The following ABI1 variants were observed in gnomAD, a reference collection of about 807,000 sequenced individuals.
The protein encoded by ABI1 is abl interactor 1.
A neutral mutation model predicts 54.6 loss-of-function variants in ABI1; 14 were observed. The observed-to-expected ratio is 0.26, with a 90% CI of 0.17 to 0.40. ABI1 has a LOEUF of 0.40. Among genes scored for constraint, ABI1 ranks in the 10% least tolerant of loss-of-function variants. ABI1 has a pLI of 1.00. For missense variants in ABI1, 443 were observed against 598.3 expected (o/e 0.74, Z 2.71); for synonymous variants, 194 against 209.3 (o/e 0.93, Z 0.63).
At chr10:26,791,946 T>C (rs1440279634) in intron 2 of ABI1, among the ~76,000 whole-genome samples, 1 of 152,216 alleles carries the variant, frequency 6.6e-6, no homozygotes, top group African/African-American at 2.4e-5. Flanking sequence ...ATGAACTATG[T>C]ATATGTAATA....
rs1005881883 is a variant in ABI1 at position 26,860,415 on chromosome 10, G to A, written c.117+332C>T. Among the ~76,000 whole-genome samples the A allele has an allele frequency of 1.4e-4, 21 of 152,150 alleles. No homozygotes were observed. Among genetic ancestry groups the A allele is most frequent in the Non-Finnish European group, 2.1e-4 (14 of 68,016 alleles). Reference sequence around the variant, plus strand: ...CCCTGCGGACTGGAGGCTACCTGGGGGGCGCGCGACCCCGGTGGCCGGGCC... The same window carrying A: ...CCCTGCGGACTGGAGGCTACCTGGGAGGCGCGCGACCCCGGTGGCCGGGCC... On this transcript the variant is annotated intron_variant, in intron 1 of 10. Coordinates refer to ENST00000376140, the MANE Select transcript of ABI1 (RefSeq NM_001012750.3). The surrounding 1 kb of genome is among the most constrained non-coding windows in gnomAD (Gnocchi z 4.1).
chr10:26,770,672 A>G (rs1840576830), intron 4 of ABI1: 1 of 570,384 alleles, frequency 1.8e-6, no homozygotes, highest in Non-Finnish European at 3.2e-6. Flanking sequence ...AAATGTGTGC[A>G]TGAACACAAA....
chr10:26,772,021 T>C (rs1207634471), intron 3 of ABI1, among the ~76,000 whole-genome samples: 4 of 151,656 alleles, frequency 2.6e-5, no homozygotes, highest in Non-Finnish European at 5.9e-5. Flanking sequence ...TCTGACATTC[T>C]CAACAAGTAA....
At chr10:26,797,475 T>G (rs1415390366) in intron 2 of ABI1, among the ~76,000 whole-genome samples, 1 of 152,184 alleles carries the variant, frequency 6.6e-6, no homozygotes, top group Non-Finnish European at 1.5e-5. Flanking sequence ...TTTAATCACA[T>G]TCACATATTA....
intron 4 of ABI1, 80 bp downstream of exon 4, chr10:26,770,995 T>C (rs1350072417): frequency 7.0e-7 from 1 of 1,435,382 alleles, no homozygotes; most frequent in Admixed American, 1.7e-5. Context: ...ATAAGAAGAG[T>C]TTTCAAATTT....
intron 2 of ABI1, among the ~76,000 whole-genome samples, chr10:26,807,393 C>T (rs1045620511): frequency 7.2e-5 from 11 of 151,902 alleles, no homozygotes; most frequent in Admixed American, 5.9e-4. Flanking sequence ...GAGGAGGAGG[C>T]TTCACCTGAG....
chr10:26,765,349 C>T (rs1839808795), intron 6 of ABI1, 31 bp from the exon 7 acceptor site: 1 of 1,478,526 alleles, frequency 6.8e-7, no homozygotes, highest in South Asian at 1.3e-5. Context: ...TGTGAAAAAC[C>T]AATTCTAGAG....
chr10:26,773,536 C>T (rs1841006550), intron 3 of ABI1, among the ~76,000 whole-genome samples: 1 of 151,852 alleles, frequency 6.6e-6, no homozygotes, highest in African/African-American at 2.4e-5. Flanking sequence ...TCTTAACTCA[C>T]TCCTCTGCTT....
intron 1 of ABI1, among the ~76,000 whole-genome samples, chr10:26,858,886 AC>A (rs1349185423): frequency 6.6e-6 from 1 of 152,190 alleles, no homozygotes; most frequent in African/African-American, 2.4e-5. Context: ...AAAAGGAGCC[AC>A]CCCTGTATGA....
chr10:26,754,188 C>T (rs1308912844), intron 9 of ABI1, among the ~76,000 whole-genome samples: 1 of 152,124 alleles, frequency 6.6e-6, no homozygotes, highest in Non-Finnish European at 1.5e-5. Context: ...TATTTTTGCA[C>T]GTCTAGGCTG....
intron 2 of ABI1, among the ~76,000 whole-genome samples, chr10:26,805,932 T>A (rs553325080): frequency 6.6e-6 from 1 of 152,348 alleles, no homozygotes; most frequent in South Asian, 2.1e-4. Flanking sequence ...TTTAGAACTT[T>A]AGGTTTTTGC....
intron 7 of ABI1, among the ~76,000 whole-genome samples, chr10:26,764,591 T>C (rs778302505): frequency 3.3e-5 from 5 of 152,184 alleles, no homozygotes; most frequent in Non-Finnish European, 5.9e-5. Context: ...TCTTGACTAG[T>C]ATGCGAGGCA....
At chr10:26,799,953 CA>C (rs2046434495) in intron 2 of ABI1, among the ~76,000 whole-genome samples, 1 of 123,864 alleles carries the variant, frequency 8.1e-6, no homozygotes, top group Non-Finnish European at 1.7e-5. Flanking sequence ...TCTAAAGACA[CA>C]AAACTAAAAA....
intron 2 of ABI1, among the ~76,000 whole-genome samples, chr10:26,812,007 A>T (rs1463837887): frequency 6.6e-6 from 1 of 152,150 alleles, no homozygotes; most frequent in Non-Finnish European, 1.5e-5. Flanking sequence ...TATGGTGACT[A>T]CCAGCATTCC....
At chr10:26,763,936 G>T (rs777010816) in intron 7 of ABI1, 1 of 1,612,768 alleles carries the variant, frequency 6.2e-7, no homozygotes, top group South Asian at 1.1e-5. Flanking sequence ...TGGAGCTCCA[G>T]AAGGAGGAGG....
intron 1 of ABI1, among the ~76,000 whole-genome samples, chr10:26,858,454 C>CTTT (rs375525589): frequency 8.5e-6 from 1 of 118,144 alleles, no homozygotes. Flanking sequence ...TGCGTGAATT[C>CTTT]TTTTTTTTTT....
chr10:26,770,387 G>T (rs1360784161), intron 4 of ABI1, 42 bp from the exon 5 acceptor site: 1 of 1,542,054 alleles, frequency 6.5e-7, no homozygotes, highest in Non-Finnish European at 9.0e-7. Context: ...ATATCAAATT[G>T]TTCTCCTGGT....
At chr10:26,859,708 T>C (rs1005116660) in intron 1 of ABI1, among the ~76,000 whole-genome samples, 5 of 152,194 alleles carry the variant, frequency 3.3e-5, no homozygotes, top group Admixed American at 2.6e-4. Flanking sequence ...TATTTTTACG[T>C]TGTAGTTCAG....
chr10:26,841,396 T>TA (rs2134064783), intron 1 of ABI1, among the ~76,000 whole-genome samples: 1 of 106,928 alleles, frequency 9.4e-6, no homozygotes, highest in South Asian at 5.4e-4. Flanking sequence ...CCCACATAGT[T>TA]ACCTTTTTTT....
Sources: allele counts gnomAD v4.1 joint callset (sites outside exome capture counted in the v4.1 genomes callset), GRCh38; gene constraint gnomAD v4.1.1; non-coding constraint Gnocchi (gnomAD v3.1); transcripts MANE v1.5; gene names NCBI Gene and HGNC (gene_info 2026-07-23, HGNC 2026-07-21).